KCNQ1: variants seen among roughly 807,000 people sequenced by gnomAD.
KCNQ1 encodes the protein potassium voltage-gated channel subfamily Q member 1.
KCNQ1 carries 49 observed loss-of-function variants against 72.4 expected under a neutral mutation model. The ratio of observed to expected loss-of-function variants is 0.68; its 90% CI spans 0.54 to 0.86. The LOEUF is 0.86. Among genes scored for constraint, KCNQ1 ranks in the 40% least tolerant of loss-of-function variants. The pLI, the probability that KCNQ1 is intolerant of heterozygous loss-of-function variation, is 0.00. For synonymous variants in KCNQ1, 450 were observed against 412.6 expected (o/e 1.09, Z -1.10); for missense variants, 790 against 945.1 (o/e 0.84, Z 2.15).
chr11:2,449,662 G>T (rs1282165024), intron 1 of KCNQ1, among the ~76,000 whole-genome samples: 1 of 152,208 alleles, frequency 6.6e-6, no homozygotes, highest in Non-Finnish European at 1.5e-5. Flanking sequence ...GAGTGCCTTT[G>T]GGGGCAGCTG....
chr11:2,609,688 A>G, intron 10 of KCNQ1: 1 of 398,200 alleles, frequency 2.5e-6, no homozygotes, highest in Non-Finnish European at 4.4e-6. Flanking sequence ...TTTGCTTCTT[A>G]TGTTTTAGTT....
rs1848361611 is a variant in KCNQ1 at position 2,847,782 on chromosome 11, C to G, written c.1810C>G (p.Gln604Glu). ...RVEDKVTQLD[Q>E]RLALITDMLH... ...GTCCCCGCAGGTGACGCAGCTGGAC[C>G]AGAGGCTGGCACTCATCACCGACAT... The change falls in exon 16 of 16, where the codon CAG (glutamine) becomes GAG (glutamate). Residue 604 changes from glutamine (Q) to glutamate (E), a missense_variant. This residue lies in a region of KCNQ1 where 91 missense variants were observed against 139.1 expected (regional missense o/e 0.65). Coordinates refer to ENST00000155840, the MANE Select transcript of KCNQ1 (RefSeq NM_000218.3). 3 of 1,573,498 alleles carry G rather than the reference C, an allele frequency of 1.9e-6. No homozygotes were observed. Among genetic ancestry groups the G allele is most frequent in the Non-Finnish European group, 2.6e-6 (3 of 1,159,090 alleles).
chr11:2,618,539 A>G (rs1020268451), intron 10 of KCNQ1: 21 of 398,392 alleles, frequency 5.3e-5, no homozygotes, highest in Non-Finnish European at 8.8e-5. Context: ...TGGGCTCTCT[A>G]TTCTGTTCCA....
intron 15 of KCNQ1, 102 bp from the exon 16 acceptor site, chr11:2,847,665 T>C: frequency 9.1e-7 from 1 of 1,100,560 alleles, no homozygotes; most frequent in Admixed American, 2.0e-5. Context: ...GCAGAGACGG[T>C]TGGCACCTTC....
rs181832844 is a variant in KCNQ1 at position 2,825,337 on chromosome 11, C to T, written c.1795-22430C>T. ...AGGGAGGCCCGCAGCCCAGACCTTC[C>T]GAGCCCTCAGCCTGCTCAGCTCAGT... On this transcript the variant is annotated intron_variant, in intron 15 of 15. Transcript: ENST00000155840. 5.0e-3 allele frequency among the ~76,000 whole-genome samples: 764 copies of T among 152,322 alleles called. 6 individuals are homozygous for T. The highest frequency in any genetic ancestry group is 0.017 in the African/African-American group (720 of 41,586).
Position 2,824,849 on chromosome 11 carries a change from C to T in KCNQ1, c.1795-22918C>T, listed in dbSNP as rs2134059672. Among the ~76,000 whole-genome samples, 1 of 152,322 alleles carries T rather than the reference C, an allele frequency of 6.6e-6. No individual in the cohort carries two copies. Among genetic ancestry groups the T allele is most frequent in the African/African-American group, 2.4e-5 (1 of 41,564 alleles). ...CAGTGCCGTGCCGCATCCATCCTGC[C>T]CCTGGCACCGGAGGGTACACTGATC... On this transcript the variant is annotated intron_variant, in intron 15 of 15. Coordinates refer to ENST00000155840, the MANE Select transcript of KCNQ1 (RefSeq NM_000218.3). This position sits in a 1 kb window ranked among gnomAD's most constrained non-coding sequence, Gnocchi z 5.9.
Position 2,481,951 on chromosome 11 carries a change from A to G in KCNQ1, c.386+36467A>G. On this transcript the variant is annotated intron_variant, in intron 1 of 15. Coordinates refer to ENST00000155840, the MANE Select transcript of KCNQ1 (RefSeq NM_000218.3). This position sits in a 1 kb window ranked among gnomAD's most constrained non-coding sequence, Gnocchi z 4.6. ...GAATCATCCCAGAACCACCCACACC[A>G]CTGGTCTGTGGAAAAACTGTTTTCC... Among the ~76,000 whole-genome samples the G allele has an allele frequency of 6.6e-6, 1 of 152,264 alleles. No individual in the cohort carries two copies. The highest frequency in any genetic ancestry group is 2.4e-5 in the African/African-American group (1 of 41,554).
chr11:2,499,533 C>CA lies in KCNQ1; in HGVS notation c.387-28388dup, dbSNP rs1554885888. ...GTGGTTGAATGGACCCCTGCCCCCA[C>CA]AAAAAAAGACCCAATTATCTGTTGC... is the stretch of plus-strand genomic sequence containing the variant. On this transcript the variant is annotated intron_variant, in intron 1 of 15. Coordinates refer to ENST00000155840, the MANE Select transcript of KCNQ1 (RefSeq NM_000218.3). 1.4e-4 allele frequency among the ~76,000 whole-genome samples: 18 copies of CA among 129,156 alleles called. 1 individual carries two copies. Among genetic ancestry groups the CA allele is most frequent in the Non-Finnish European group, 2.5e-4 (15 of 61,080 alleles). 84.7% of individuals were successfully genotyped at this position (129,156 alleles called of 152,430 possible).
At chr11:2,840,170 A>C (rs1287214706) in intron 15 of KCNQ1, 1 of 151,344 alleles carries the variant, frequency 6.6e-6, no homozygotes, top group Non-Finnish European at 1.5e-5. Flanking sequence ...ATTACAATAA[A>C]GTAAAGTAAG....
rs1848756672 is a variant in KCNQ1, at chr11:2,598,127, G to C, written c.1393+9273G>C. Among the ~76,000 whole-genome samples, 1 of 152,028 alleles carries C rather than the reference G, an allele frequency of 6.6e-6. No individual in the cohort carries two copies. Among genetic ancestry groups the C allele is most frequent in the South Asian group, 2.1e-4 (1 of 4,828 alleles). On this transcript the variant is annotated intron_variant, in intron 10 of 15. Transcript: ENST00000155840. This position sits in a 1 kb window ranked among gnomAD's most constrained non-coding sequence, Gnocchi z 6.2. ...TATTTTTGTTTTCTTTTACTTAAGA[G>C]TCATAGTTCATTTATTTGAAGTTCT...
chr11:2,707,674 G>A (rs976260497), intron 11 of KCNQ1, among the ~76,000 whole-genome samples: 2 of 152,220 alleles, frequency 1.3e-5, no homozygotes, highest in African/African-American at 4.8e-5. Flanking sequence ...ATGGTTCTGA[G>A]GGCTTCATCC....
intron 1 of KCNQ1, among the ~76,000 whole-genome samples, chr11:2,523,198 A>T (rs1847420633): frequency 7.3e-6 from 1 of 137,024 alleles, no homozygotes; most frequent in Non-Finnish European, 1.6e-5. Flanking sequence ...ATTTAATTTA[A>T]TTTTTTTTTT....
chr11:2,518,658 CTCTG>C (rs1369705460), intron 1 of KCNQ1, among the ~76,000 whole-genome samples: 17 of 152,254 alleles, frequency 1.1e-4, no homozygotes, highest in Non-Finnish European at 4.4e-5. Context: ...GGGCTGGCGG[CTCTG>C]TCTAACGGGG....
At chr11:2,557,365 C>T (rs886759063) in intron 2 of KCNQ1, among the ~76,000 whole-genome samples, 2 of 152,200 alleles carry the variant, frequency 1.3e-5, no homozygotes, top group African/African-American at 4.8e-5. Context: ...TAATGTACCT[C>T]TTTTGGAATA....
chr11:2,825,705 G>A (rs1432215927), intron 15 of KCNQ1, among the ~76,000 whole-genome samples: 1 of 152,212 alleles, frequency 6.6e-6, no homozygotes, highest in Admixed American at 6.5e-5. Context: ...TATCCTTCGC[G>A]GAGCTGCGCG....
chr11:2,797,838 C>G (rs1016397014), intron 15 of KCNQ1, among the ~76,000 whole-genome samples: 2 of 152,156 alleles, frequency 1.3e-5, no homozygotes, highest in Non-Finnish European at 2.9e-5. Context: ...TCCTGTGAAG[C>G]CAGCCGGTTC....
At position 2,538,507 on chromosome 11, in the gene KCNQ1, G is replaced by A. The variant is rs72847675; in HGVS notation, c.477+10489G>A. Among the ~76,000 whole-genome samples the A allele has an allele frequency of 0.061, 9,275 of 152,246 alleles. 368 individuals are homozygous for A. The highest frequency in any genetic ancestry group is 0.089 in the Non-Finnish European group (6,047 of 68,024). On this transcript the variant is annotated intron_variant, in intron 2 of 15. Transcript: ENST00000155840. This position sits in a 1 kb window ranked among gnomAD's most constrained non-coding sequence, Gnocchi z 6.7. Reference sequence around the variant, plus strand: ...GGTTGACAGGGTTTGGATTGGCTGCGTTCCTGTCTGAAGGCAGCTGCTTGG... The same window carrying A: ...GGTTGACAGGGTTTGGATTGGCTGCATTCCTGTCTGAAGGCAGCTGCTTGG...
chr11:2,514,233 C>T (rs1847253851), intron 1 of KCNQ1, among the ~76,000 whole-genome samples: 1 of 152,254 alleles, frequency 6.6e-6, no homozygotes, highest in African/African-American at 2.4e-5. Context: ...GTGCAGGACA[C>T]TGGCTGCCTC....
rs1227449989 is a variant in KCNQ1, at chr11:2,704,149, G to T, written c.1514+42068G>T. Among the ~76,000 whole-genome samples the T allele has an allele frequency of 6.6e-6, 1 of 152,222 alleles. No homozygotes were observed. Among genetic ancestry groups the T allele is most frequent in the Non-Finnish European group, 1.5e-5 (1 of 68,042 alleles). ...CACACCCACCACTGCAGCTGTCCTG[G>T]GTAAGGGCTCTGTGATCCTGCAACG... is the stretch of plus-strand genomic sequence containing the variant. On this transcript the variant is annotated intron_variant, in intron 11 of 15. Coordinates refer to ENST00000155840, the MANE Select transcript of KCNQ1 (RefSeq NM_000218.3). The surrounding 1 kb of genome is among the most constrained non-coding windows in gnomAD (Gnocchi z 4.3).
Sources: gnomAD v4.1 joint callset for allele counts (sites outside exome capture counted in the v4.1 genomes callset) on GRCh38, gnomAD v4.1.1 for gene constraint, gnomAD v4.1.1 regional missense constraint, Gnocchi (gnomAD v3.1) non-coding constraint, MANE v1.5 for transcripts, NCBI Gene and HGNC (gene_info 2026-07-23, HGNC 2026-07-21) for gene names.